Variants in CELF4 observed in about 807,000 individuals in gnomAD.
CELF4 encodes CUGBP Elav-like family member 4.
CELF4 carries 18 observed loss-of-function variants against 59.9 expected under a neutral mutation model. The ratio of observed to expected loss-of-function variants is 0.30; its 90% CI spans 0.21 to 0.45. The LOEUF is 0.45. Ranked by LOEUF, CELF4 falls within the 20% of genes least tolerant of loss-of-function variation. The pLI is 1.00. For synonymous variants in CELF4, 261 were observed against 267.1 expected, an observed-to-expected ratio of 0.98 and a Z score of 0.22; for missense variants, 456 against 689.0, an observed-to-expected ratio of 0.66 and a Z score of 3.79.
rs943518485 is a variant in CELF4, at chr18:37,253,235, T to C, written c.*44+532A>G. ...CATCCTGCTTTGTTTCTTAGTAAAG[T>C]TCCCTTTGAAAGATCCTGTCCTTCC... is the stretch of plus-strand genomic sequence containing the variant. On this transcript the variant is annotated intron_variant, in intron 12 of 12. Coordinates refer to ENST00000420428, the MANE Select transcript of CELF4 (RefSeq NM_020180.4). The surrounding 1 kb of genome is among the most constrained non-coding windows in gnomAD (Gnocchi z 4.5). Among the ~76,000 whole-genome samples, 8 of 152,188 alleles carry C rather than the reference T, an allele frequency of 5.3e-5. No homozygotes were observed. Among genetic ancestry groups the C allele is most frequent in the African/African-American group, 1.9e-4 (8 of 41,456 alleles).
intron 6 of CELF4, 109 bp downstream of exon 6, chr18:37,274,202 G>A: frequency 6.5e-7 from 1 of 1,529,748 alleles, no homozygotes; most frequent in Non-Finnish European, 8.7e-7. Context: ...TCCTCACTCT[G>A]GAGGGAGAGG....
At chr18:37,369,949 G>A (rs2098838974) in intron 2 of CELF4, among the ~76,000 whole-genome samples, 1 of 152,226 alleles carries the variant, frequency 6.6e-6, no homozygotes, top group African/African-American at 2.4e-5. Context: ...TGTGCAAACT[G>A]CAGAAAGCCG....
At chr18:37,398,886 G>A (rs1390191052) in intron 2 of CELF4, among the ~76,000 whole-genome samples, 2 of 152,150 alleles carry the variant, frequency 1.3e-5, no homozygotes, top group African/African-American at 4.8e-5. Context: ...GAGTGGCTGA[G>A]AGGATTTACA....
intron 3 of CELF4, among the ~76,000 whole-genome samples, chr18:37,295,556 A>G (rs867576390): frequency 1.3e-5 from 2 of 152,240 alleles, no homozygotes; most frequent in Non-Finnish European, 2.9e-5. Context: ...TCTGGGAAGA[A>G]GACAACTTCT....
At chr18:37,554,072 G>C (rs966396002) in intron 1 of CELF4, among the ~76,000 whole-genome samples, 1 of 152,224 alleles carries the variant, frequency 6.6e-6, no homozygotes, top group African/African-American at 2.4e-5. Context: ...TGTGGCTGAG[G>C]AGGGGAGAGG....
chr18:37,349,805 C>CCGA (rs1161867685), intron 2 of CELF4, among the ~76,000 whole-genome samples: 1 of 152,092 alleles, frequency 6.6e-6, no homozygotes, highest in Admixed American at 6.5e-5. Flanking sequence ...CTGAGAAGGG[C>CCGA]ATTCGGGCAG....
At chr18:37,520,767 T>C (rs2099956429) in intron 1 of CELF4, among the ~76,000 whole-genome samples, 1 of 152,174 alleles carries the variant, frequency 6.6e-6, no homozygotes, top group African/African-American at 2.4e-5. Flanking sequence ...AGTCTTATGA[T>C]GTCATATATT....
At chr18:37,499,875 T>C (rs554973244) in intron 1 of CELF4, among the ~76,000 whole-genome samples, 2 of 152,286 alleles carry the variant, frequency 1.3e-5, no homozygotes, top group East Asian at 3.9e-4. Context: ...GACTCATCAA[T>C]GAATGAATGA....
At chr18:37,398,066 G>A (rs1044267490) in intron 2 of CELF4, among the ~76,000 whole-genome samples, 2 of 152,166 alleles carry the variant, frequency 1.3e-5, no homozygotes, top group African/African-American at 4.8e-5. Flanking sequence ...AAGGGGCCCT[G>A]AGCCCATCCG....
intron 1 of CELF4, among the ~76,000 whole-genome samples, chr18:37,558,437 C>T (rs1330682866): frequency 3.4e-5 from 5 of 146,642 alleles, no homozygotes; most frequent in South Asian, 2.2e-4. Context: ...CTTATGTTGC[C>T]GAATGGAACA....
At chr18:37,323,025 G>A (rs928851264) in intron 2 of CELF4, among the ~76,000 whole-genome samples, 35 of 152,096 alleles carry the variant, frequency 2.3e-4, no homozygotes, top group African/African-American at 1.2e-4. Context: ...ATTCCCTCCC[G>A]TACAGCGGCT....
At chr18:37,477,037 T>C (rs1220872380) in intron 2 of CELF4, among the ~76,000 whole-genome samples, 1 of 152,206 alleles carries the variant, frequency 6.6e-6, no homozygotes, top group East Asian at 1.9e-4. Context: ...AGAGGTGATA[T>C]GGCTGGAATA....
At chr18:37,376,373 GTTC>G (rs1207823523) in intron 2 of CELF4, among the ~76,000 whole-genome samples, 2 of 152,166 alleles carry the variant, frequency 1.3e-5, no homozygotes, top group African/African-American at 2.4e-5. Flanking sequence ...CTGGCTTGGT[GTTC>G]TTCTCTCCCT....
chr18:37,254,646 C>T lies in CELF4; in HGVS notation c.1334-708G>A, dbSNP rs932586301. Among the ~76,000 whole-genome samples, 12 of 152,242 alleles carry T rather than the reference C, an allele frequency of 7.9e-5. No homozygotes were observed. Among genetic ancestry groups the T allele is most frequent in the African/African-American group, 2.7e-4 (11 of 41,470 alleles). ...CCCTGCGCCGTGGACTAAGCACGCA[C>T]CAGCTGATATGTCCATAACAAGTCA... On this transcript the variant is annotated intron_variant, in intron 11 of 12. Coordinates refer to ENST00000420428, the MANE Select transcript of CELF4 (RefSeq NM_020180.4). The surrounding 1 kb of genome is among the most constrained non-coding windows in gnomAD (Gnocchi z 5.1).
rs138805111 is a variant in CELF4, at chr18:37,373,427, G to A, written c.370-51546C>T. Among the ~76,000 whole-genome samples the A allele has an allele frequency of 5.9e-3, 897 of 152,326 alleles. 11 individuals are homozygous for A. Among genetic ancestry groups the A allele is most frequent in the African/African-American group, 0.021 (853 of 41,566 alleles). ...CCCATCACTACCTGAGACCCTGGACGGTGGGGCACTGGGCATGGTCAGGAC... is the reference window on the plus strand; with the variant it reads ...CCCATCACTACCTGAGACCCTGGACAGTGGGGCACTGGGCATGGTCAGGAC... On this transcript the variant is annotated intron_variant, in intron 2 of 12. Transcript: ENST00000420428.
At chr18:37,286,833 C>T (rs1247798841) in intron 3 of CELF4, among the ~76,000 whole-genome samples, 2 of 152,208 alleles carry the variant, frequency 1.3e-5, no homozygotes, top group African/African-American at 4.8e-5. Context: ...CAGAGGCCAC[C>T]TGGCCCAGCC....
At chr18:37,553,816 A>T (rs2099983958) in intron 1 of CELF4, among the ~76,000 whole-genome samples, 1 of 152,036 alleles carries the variant, frequency 6.6e-6, no homozygotes, top group Non-Finnish European at 1.5e-5. Context: ...TTTGAGTTGG[A>T]GCTCCTGGGG....
Position 37,254,219 on chromosome 18 carries a change from G to C in CELF4, c.1334-281C>G, listed in dbSNP as rs2067620497. On this transcript the variant is annotated intron_variant, in intron 11 of 12. Coordinates refer to ENST00000420428, the MANE Select transcript of CELF4 (RefSeq NM_020180.4). The surrounding 1 kb of genome is among the most constrained non-coding windows in gnomAD (Gnocchi z 5.1). ...CGCTCCCCAAGTGGGGCCCGCGGCC[G>C]GGCGGCGCTGGGAGAGGCGCCCGCC... is the stretch of plus-strand genomic sequence containing the variant. 2.6e-5 allele frequency among the ~76,000 whole-genome samples: 4 copies of C among 151,028 alleles called. No homozygotes were observed. Among genetic ancestry groups the C allele is most frequent in the East Asian group, 2.0e-4 (1 of 5,080 alleles).
intron 2 of CELF4, among the ~76,000 whole-genome samples, chr18:37,453,543 A>G (rs1786817): frequency 0.99 from 150,954 of 152,276 alleles, 74,839 homozygotes; most frequent in Middle Eastern, 1. Context: ...TTTAAGAGAA[A>G]GGGGTTACAG....
Sources: allele counts gnomAD v4.1 joint callset (sites outside exome capture counted in the v4.1 genomes callset), GRCh38; gene constraint gnomAD v4.1.1; non-coding constraint Gnocchi (gnomAD v3.1); transcripts MANE v1.5; gene names NCBI Gene and HGNC (gene_info 2026-07-23, HGNC 2026-07-21).